Variants in DCDC2C observed in about 807,000 individuals in gnomAD.
The protein encoded by DCDC2C is doublecortin domain-containing protein 2C.
Under a neutral mutation model 45.0 loss-of-function variants are expected in DCDC2C, and 44 were observed. The ratio of observed to expected loss-of-function variants is 0.98; its 90% CI spans 0.77 to 1.26. The LOEUF is 1.26. Ranked by LOEUF, DCDC2C falls within the 50% of genes most tolerant of loss-of-function variation. DCDC2C has a pLI of 0.00. For synonymous variants in DCDC2C, 187 were observed against 178.8 expected, an observed-to-expected ratio of 1.05 and a Z score of -0.37; for missense variants, 447 against 468.9, an observed-to-expected ratio of 0.95 and a Z score of 0.43.
chr2:3,840,921 C>T (rs2148246074), intron 10 of DCDC2C, among the ~76,000 whole-genome samples: 1 of 152,308 alleles, frequency 6.6e-6, no homozygotes, highest in South Asian at 2.1e-4. Context: ...CCCATGTGCT[C>T]ATGTGGACTT....
intron 2 of DCDC2C, among the ~76,000 whole-genome samples, chr2:3,714,003 A>G (rs928659078): frequency 1.3e-5 from 2 of 152,212 alleles, no homozygotes; most frequent in African/African-American, 4.8e-5. Context: ...CAAAAATTCA[A>G]TGTCTAAATG....
At chr2:3,805,543 A>G (rs1671217066) in intron 10 of DCDC2C, among the ~76,000 whole-genome samples, 1 of 152,214 alleles carries the variant, frequency 6.6e-6, no homozygotes, top group Non-Finnish European at 1.5e-5. Context: ...CCTTGAAAAA[A>G]CAGCAACAAA....
chr2:3,842,841 A>G (rs990540114), intron 10 of DCDC2C, among the ~76,000 whole-genome samples: 1 of 152,126 alleles, frequency 6.6e-6, no homozygotes, highest in African/African-American at 2.4e-5. Flanking sequence ...AAGGAAAGAC[A>G]CAGGAAGCCA....
intron 6 of DCDC2C, among the ~76,000 whole-genome samples, chr2:3,764,261 A>G (rs1011228168): frequency 9.9e-5 from 15 of 152,224 alleles, no homozygotes; most frequent in African/African-American, 3.6e-4. Context: ...GTATGATTCA[A>G]TTTGTAAGGT....
chr2:3,741,816 A>C, intron 3 of DCDC2C, 104 bp from the exon 4 acceptor site: 8 of 1,221,390 alleles, frequency 6.5e-6, no homozygotes, highest in Non-Finnish European at 7.8e-6. Context: ...TGCTTAGTGC[A>C]TCTCATTGTT....
intron 10 of DCDC2C, among the ~76,000 whole-genome samples, chr2:3,826,300 CTTTA>C (rs1273122726): frequency 1.3e-5 from 2 of 152,012 alleles, no homozygotes; most frequent in Non-Finnish European, 2.9e-5. Flanking sequence ...TTTCATGGCT[CTTTA>C]TTTGTTACCA....
Position 3,793,148 on chromosome 2 carries a change from C to CTGTTTGTAAAAA in DCDC2C, c.1065+8048_1065+8049insTGTTTGTAAAAA, listed in dbSNP as rs575518550. Among the ~76,000 whole-genome samples the CTGTTTGTAAAAA allele has an allele frequency of 1.5e-3, 221 of 152,268 alleles. 1 individual carries two copies. Among genetic ancestry groups the CTGTTTGTAAAAA allele is most frequent in the African/African-American group, 5.1e-3 (211 of 41,532 alleles). On this transcript the variant is annotated intron_variant, in intron 10 of 10. Coordinates refer to ENST00000399143, the MANE Select transcript of DCDC2C (RefSeq NM_001287444.2). ...AAAGAGGTCCATAAATACAAACTCGCATTTGCTGTTTGTAAATAGAATGAA... is the reference window on the plus strand; with the variant it reads ...AAAGAGGTCCATAAATACAAACTCGCTGTTTGTAAAAAATTTGCTGTTTGTAAATAGAATGAA...
chr2:3,721,764 C>T (rs754941246), intron 2 of DCDC2C, among the ~76,000 whole-genome samples: 3 of 152,054 alleles, frequency 2.0e-5, no homozygotes, highest in African/African-American at 2.4e-5. Context: ...GTGCTGTTCT[C>T]GTGATAGTGA....
Position 3,727,576 on chromosome 2 carries a change from A to G in DCDC2C, c.416+497A>G, listed in dbSNP as rs10495491. On this transcript the variant is annotated intron_variant, in intron 3 of 10. Transcript: ENST00000399143. ...AGGTGTTGCTACAGGAACGGAGTGC[A>G]TTAGAGCCTCACTGGCCGCTGCCCT... Among the ~76,000 whole-genome samples the G allele has an allele frequency of 6.0e-3, 907 of 152,344 alleles. 20 individuals are homozygous for G. In the East Asian group the frequency reaches 0.09, roughly 15 times the overall value.
In DCDC2C at chr2:3,793,145, T is replaced by A. The variant is rs1670865926; in HGVS notation, c.1065+8045T>A. 3.3e-5 allele frequency among the ~76,000 whole-genome samples: 5 copies of A among 152,002 alleles called. No individual in the cohort carries two copies. In the South Asian group the frequency reaches 1.0e-3, roughly 31 times the overall value. On this transcript the variant is annotated intron_variant, in intron 10 of 10. Coordinates refer to ENST00000399143, the MANE Select transcript of DCDC2C (RefSeq NM_001287444.2). ...AAAAAAGAGGTCCATAAATACAAAC[T>A]CGCATTTGCTGTTTGTAAATAGAAT...
intron 10 of DCDC2C, among the ~76,000 whole-genome samples, chr2:3,789,629 C>T (rs1670752405): frequency 6.6e-6 from 1 of 152,238 alleles, no homozygotes; most frequent in African/African-American, 2.4e-5. Flanking sequence ...CAACAACTCT[C>T]CATTGGATGG....
At chr2:3,740,395 T>C (rs1489641702) in intron 3 of DCDC2C, among the ~76,000 whole-genome samples, 1 of 152,210 alleles carries the variant, frequency 6.6e-6, no homozygotes, top group African/African-American at 2.4e-5. Flanking sequence ...CAAAGTGTCC[T>C]TCAAGAAGAC....
chr2:3,732,165 T>C (rs1315875433), intron 3 of DCDC2C, among the ~76,000 whole-genome samples: 2 of 152,014 alleles, frequency 1.3e-5, no homozygotes, highest in Non-Finnish European at 2.9e-5. Flanking sequence ...GAGTAGTTGA[T>C]GCAATTGGGA....
intron 4 of DCDC2C, among the ~76,000 whole-genome samples, chr2:3,751,904 C>T (rs1669554050): frequency 1.3e-5 from 2 of 152,198 alleles, no homozygotes; most frequent in Non-Finnish European, 2.9e-5. Context: ...ATGCTCCTCC[C>T]CGGAATTCAA....
chr2:3,741,714 TAC>T (rs939307184), intron 3 of DCDC2C, among the ~76,000 whole-genome samples: 4 of 149,240 alleles, frequency 2.7e-5, no homozygotes, highest in South Asian at 2.1e-4. Context: ...CACATAGGTA[TAC>T]ACACACGCGC....
chr2:3,793,844 A>G (rs1670886957), intron 10 of DCDC2C, among the ~76,000 whole-genome samples: 1 of 152,204 alleles, frequency 6.6e-6, no homozygotes, highest in Non-Finnish European at 1.5e-5. Flanking sequence ...GGCAGAGGCC[A>G]GGTCATGGGC....
chr2:3,840,416 T>C (rs1430143790), intron 10 of DCDC2C, among the ~76,000 whole-genome samples: 1 of 152,238 alleles, frequency 6.6e-6, no homozygotes, highest in Non-Finnish European at 1.5e-5. Context: ...TAAAATATGC[T>C]TTTCGGCGGG....
intron 8 of DCDC2C, among the ~76,000 whole-genome samples, chr2:3,774,208 C>T (rs569271594): frequency 8.5e-5 from 13 of 152,190 alleles, no homozygotes; most frequent in South Asian, 2.1e-4. Flanking sequence ...GTAACTCAGA[C>T]GGAGGCCACT....
At chr2:3,783,347 G>A (rs1234756084) in intron 9 of DCDC2C, among the ~76,000 whole-genome samples, 1 of 152,132 alleles carries the variant, frequency 6.6e-6, no homozygotes, top group African/African-American at 2.4e-5. Context: ...CTGCACCTCT[G>A]CCTTTCCAGC....
Sources: gnomAD v4.1 joint callset for allele counts (sites outside exome capture counted in the v4.1 genomes callset) on GRCh38, gnomAD v4.1.1 for gene constraint, MANE v1.5 for transcripts, NCBI Gene and HGNC (gene_info 2026-07-23, HGNC 2026-07-21) for gene names.